Variants in CYP7B1 observed in about 807,000 individuals in gnomAD.
CYP7B1 encodes cytochrome P450 family 7 subfamily B member 1, also known as cytochrome P450 7B1.
A neutral mutation model predicts 42.7 loss-of-function variants in CYP7B1; 29 were observed. The ratio of observed to expected loss-of-function variants is 0.68; its 90% confidence interval spans 0.51 to 0.93. The LOEUF is 0.93. CYP7B1 is among the 40% of genes least tolerant of loss of function. The pLI, the probability that CYP7B1 is intolerant of heterozygous loss-of-function variation, is 0.00. For missense variants in CYP7B1, 655 were observed against 600.5 expected (o/e 1.09, Z -0.95); for synonymous variants, 235 against 218.2 (o/e 1.08, Z -0.68).
chr8:64,627,071 C>T (rs910478178), intron 1 of CYP7B1, among the ~76,000 whole-genome samples: 3 of 152,252 alleles, frequency 2.0e-5, no homozygotes, highest in African/African-American at 7.2e-5. Flanking sequence ...AAAGATTTTG[C>T]TTTCTCTTTT....
At chr8:64,732,760 G>A (rs1472547811) in intron 1 of CYP7B1, 2 of 152,140 alleles carry the variant, frequency 1.3e-5, no homozygotes, top group Non-Finnish European at 2.9e-5. Flanking sequence ...AGATCATGGG[G>A]GCAGTCCCCT....
intron 3 of CYP7B1, among the ~76,000 whole-genome samples, 159 bp downstream of exon 3, chr8:64,615,532 A>AAT (rs1554524745): frequency 4.0e-5 from 6 of 151,894 alleles, no homozygotes; most frequent in African/African-American, 1.5e-4. Flanking sequence ...AAAAAAAAAA[A>AAT]ATATCAATTA....
At chr8:64,794,556 T>C (rs952906228) in intron 1 of CYP7B1, among the ~76,000 whole-genome samples, 1 of 152,220 alleles carries the variant, frequency 6.6e-6, no homozygotes, top group Non-Finnish European at 1.5e-5. Context: ...CTTCTTGCTG[T>C]GTCCTCACAT....
chr8:64,657,069 G>A (rs1385235712), intron 1 of CYP7B1, among the ~76,000 whole-genome samples: 3 of 151,580 alleles, frequency 2.0e-5, no homozygotes, highest in Admixed American at 1.3e-4. Context: ...AAAAAAAAAA[G>A]CAGTGTGAAA....
At chr8:64,632,504 AC>A (rs1428891343) in intron 1 of CYP7B1, among the ~76,000 whole-genome samples, 8 of 152,136 alleles carry the variant, frequency 5.3e-5, no homozygotes, top group Non-Finnish European at 1.0e-4. Context: ...CTGCTGTACA[AC>A]ATTGTATGTA....
intron 1 of CYP7B1, among the ~76,000 whole-genome samples, chr8:64,647,172 G>A (rs1295009082): frequency 6.6e-6 from 1 of 152,160 alleles, no homozygotes; most frequent in East Asian, 1.9e-4. Flanking sequence ...TGGTTGGTCA[G>A]TGGAGCAGTC....
rs535728519 is a variant in CYP7B1, at chr8:64,615,047, A to G, written c.1036T>C (p.Leu346=). 6.1e-5 allele frequency: 99 copies of G among 1,613,664 alleles called. No individual in the cohort carries two copies. Among genetic ancestry groups the G allele is most frequent in the East Asian group, 2.9e-4 (13 of 44,866 alleles). Residue 346 remains leucine, a synonymous_variant, in exon 4 of 6, where the codon TTG becomes CTG. Coordinates refer to ENST00000310193, the MANE Select transcript of CYP7B1 (RefSeq NM_004820.5). ...TTACCTAGGCAGATTAGGCTGTCCAATTGTTCTCTGGTGAGGTGGATGGGA... is the reference window on the plus strand; with the variant it reads ...TTACCTAGGCAGATTAGGCTGTCCAGTTGTTCTCTGGTGAGGTGGATGGGA... ...GFPIHLTREQ[L]DSLICLESSI... is the part of the protein sequence containing the mutation.
intron 1 of CYP7B1, among the ~76,000 whole-genome samples, chr8:64,636,727 CA>C (rs1241615557): frequency 2.0e-5 from 3 of 152,138 alleles, no homozygotes; most frequent in Admixed American, 6.6e-5. Flanking sequence ...ATTCTCTAAG[CA>C]AACAAACTCA....
At chr8:64,691,965 T>C (rs952836479) in intron 1 of CYP7B1, among the ~76,000 whole-genome samples, 5 of 152,168 alleles carry the variant, frequency 3.3e-5, no homozygotes, top group African/African-American at 1.2e-4. Context: ...AGTATAGATA[T>C]CCAAATCTTG....
At chr8:64,761,422 AT>A (rs1161226424) in intron 1 of CYP7B1, among the ~76,000 whole-genome samples, 1 of 152,212 alleles carries the variant, frequency 6.6e-6, no homozygotes, top group Non-Finnish European at 1.5e-5. Context: ...ATATACTCAT[AT>A]AAAACACCAT....
chr8:64,721,520 C>T (rs535041259), intron 1 of CYP7B1, among the ~76,000 whole-genome samples: 59 of 152,084 alleles, frequency 3.9e-4, no homozygotes, highest in Non-Finnish European at 6.8e-4. Flanking sequence ...GTCTGTCGCA[C>T]TTTAAGCAAA....
chr8:64,636,976 A>C (rs971537829), intron 1 of CYP7B1, among the ~76,000 whole-genome samples: 5 of 152,208 alleles, frequency 3.3e-5, no homozygotes, highest in Non-Finnish European at 7.3e-5. Context: ...AATTCCATTA[A>C]CTCATAATTT....
chr8:64,622,244 T>C (rs1274729880), intron 2 of CYP7B1, among the ~76,000 whole-genome samples: 1 of 152,000 alleles, frequency 6.6e-6, no homozygotes, highest in African/African-American at 2.4e-5. Context: ...TAAGTCACTG[T>C]AGTTTCCAAA....
At chr8:64,726,943 G>A (rs1389374160) in intron 1 of CYP7B1, among the ~76,000 whole-genome samples, 2 of 152,180 alleles carry the variant, frequency 1.3e-5, no homozygotes, top group Non-Finnish European at 2.9e-5. Context: ...AGTGGGAAGT[G>A]CCTGAGGGCC....
intron 1 of CYP7B1, among the ~76,000 whole-genome samples, chr8:64,767,512 C>T (rs1242374505): frequency 1.3e-5 from 2 of 152,198 alleles, no homozygotes; most frequent in Non-Finnish European, 2.9e-5. Flanking sequence ...GTTTCCTCCC[C>T]TCAGGATGGC....
chr8:64,613,112 C>T (rs73237764), intron 4 of CYP7B1, among the ~76,000 whole-genome samples: 2 of 152,148 alleles, frequency 1.3e-5, no homozygotes, highest in Non-Finnish European at 2.9e-5. Context: ...TAACCAAGGT[C>T]GTGATGAACC....
At chr8:64,771,036 G>A (rs1023572985) in intron 1 of CYP7B1, among the ~76,000 whole-genome samples, 1 of 115,110 alleles carries the variant, frequency 8.7e-6, no homozygotes, top group Non-Finnish European at 1.8e-5. Flanking sequence ...TCAAGAGTGG[G>A]ATATCAGCAT....
chr8:64,629,624 G>A lies in CYP7B1; in HGVS notation c.123-5085C>T, dbSNP rs1166763641. 3.3e-5 allele frequency among the ~76,000 whole-genome samples: 5 copies of A among 151,764 alleles called. No homozygotes were observed. In the East Asian group the frequency reaches 9.7e-4, roughly 29 times the overall value. ...TGAACGACTTTTTTTTTTTGAGCAA[G>A]GCACTTTGGAAGCTGCTGTGTTTTA... On this transcript the variant is annotated intron_variant, in intron 1 of 5. Coordinates refer to ENST00000310193, the MANE Select transcript of CYP7B1 (RefSeq NM_004820.5).
At chr8:64,618,380 C>T (rs1291551435) in intron 2 of CYP7B1, among the ~76,000 whole-genome samples, 2 of 151,948 alleles carry the variant, frequency 1.3e-5, no homozygotes, top group Admixed American at 6.6e-5. Flanking sequence ...TAGTAAAACA[C>T]ACAATATTTA....
Sources: allele counts gnomAD v4.1 joint callset (sites outside exome capture counted in the v4.1 genomes callset), GRCh38; gene constraint gnomAD v4.1.1; transcripts MANE v1.5; gene names NCBI Gene and HGNC (gene_info 2026-07-23, HGNC 2026-07-21).